Variants in KIRREL1 observed in about 807,000 individuals in gnomAD.
The protein encoded by KIRREL1 is kirre like nephrin family adhesion molecule 1.
KIRREL1 carries 25 observed loss-of-function variants against 83.3 expected under a neutral mutation model. That is an observed-to-expected ratio of 0.30 (90% CI 0.22 to 0.42). The LOEUF (loss-of-function observed/expected upper bound fraction) is 0.42, where lower values mean the gene tolerates loss of function less well. KIRREL1 is among the 10% of genes least tolerant of loss of function. The probability of loss-of-function intolerance (pLI) is 1.00; values close to 1 mark genes in which losing one functional copy is unlikely to be tolerated. For missense variants in KIRREL1, 812 were observed against 1,032.3 expected (o/e 0.79, Z 2.92); for synonymous variants, 388 against 410.4 (o/e 0.95, Z 0.66).
chr1:158,024,914 A>G (rs2101659026), intron 1 of KIRREL1, among the ~76,000 whole-genome samples: 1 of 152,298 alleles, frequency 6.6e-6, no homozygotes, highest in Middle Eastern at 3.4e-3. Context: ...TGAGGAAACC[A>G]GACCAAAAAA....
chr1:158,034,086 A>C (rs1660403590), intron 1 of KIRREL1, among the ~76,000 whole-genome samples: 1 of 152,070 alleles, frequency 6.6e-6, no homozygotes. Flanking sequence ...ATCTGGACTA[A>C]CACGGTGTAA....
intron 1 of KIRREL1, among the ~76,000 whole-genome samples, chr1:158,034,605 T>C (rs1177290042): frequency 6.6e-6 from 1 of 152,232 alleles, no homozygotes; most frequent in Non-Finnish European, 1.5e-5. Context: ...AAGAAAGATA[T>C]GAAACTGAGA....
chr1:158,090,877 A>G (rs759745725), intron 10 of KIRREL1, among the ~76,000 whole-genome samples: 2 of 152,196 alleles, frequency 1.3e-5, no homozygotes, highest in Non-Finnish European at 2.9e-5. Flanking sequence ...TGAAGAAAAT[A>G]AGGCCTAGAA....
At chr1:158,079,174 G>A (rs1304920384) in intron 3 of KIRREL1, among the ~76,000 whole-genome samples, 1 of 151,988 alleles carries the variant, frequency 6.6e-6, no homozygotes, top group Non-Finnish European at 1.5e-5. Flanking sequence ...CATTTGATAT[G>A]TTTTGCCCCT....
At chr1:158,077,877 C>A in intron 2 of KIRREL1, 114 bp from the exon 3 acceptor site, 1 of 1,243,114 alleles carries the variant, frequency 8.0e-7, no homozygotes, top group Non-Finnish European at 1.1e-6. Flanking sequence ...GGGGCCTCAC[C>A]TTCTCACCTG....
At chr1:158,084,796 A>G (rs1661971777) in intron 4 of KIRREL1, among the ~76,000 whole-genome samples, 1 of 152,252 alleles carries the variant, frequency 6.6e-6, no homozygotes, top group South Asian at 2.1e-4. Context: ...AGCTGAACAG[A>G]GACTAATAGT....
intron 1 of KIRREL1, among the ~76,000 whole-genome samples, chr1:158,020,523 G>A (rs1659975206): frequency 7.4e-6 from 1 of 135,896 alleles, no homozygotes; most frequent in South Asian, 2.4e-4. Context: ...TAGGGACTAT[G>A]ATTTGTTTAT....
chr1:158,065,519 G>A (rs999025211), intron 1 of KIRREL1, among the ~76,000 whole-genome samples: 4 of 152,128 alleles, frequency 2.6e-5, no homozygotes, highest in Admixed American at 2.0e-4. Flanking sequence ...AGAGATGAAG[G>A]AGTAATTGAC....
chr1:158,007,706 G>A (rs1262403421), intron 1 of KIRREL1, among the ~76,000 whole-genome samples: 1 of 151,958 alleles, frequency 6.6e-6, no homozygotes, highest in Non-Finnish European at 1.5e-5. Context: ...GGCAGCCTGG[G>A]TTTGCTTGAG....
intron 1 of KIRREL1, among the ~76,000 whole-genome samples, chr1:158,031,556 T>C (rs1287620116): frequency 6.6e-6 from 1 of 152,160 alleles, no homozygotes; most frequent in Non-Finnish European, 1.5e-5. Flanking sequence ...GAATAGTGTG[T>C]GTAATGCTCA....
At chr1:158,014,609 C>T (rs991785963) in intron 1 of KIRREL1, among the ~76,000 whole-genome samples, 1 of 149,144 alleles carries the variant, frequency 6.7e-6, no homozygotes, top group Admixed American at 6.7e-5. Flanking sequence ...CTGCTTACTC[C>T]GGTCCCAGTC....
rs372284229 is a variant in KIRREL1 at position 158,094,309 on chromosome 1, A to C, written c.1720-4A>C. On this transcript the variant is annotated splice_region_variant and splice_polypyrimidine_tract_variant and intron_variant, in intron 13 of 14. Transcript: ENST00000359209. The surrounding 1 kb of genome is among the most constrained non-coding windows in gnomAD (Gnocchi z 4.6). ...GCTGACGTCCCACTCCTGCTGCTCCACAGTCGTTTAAGGATGATGTGGATC... is the reference window on the plus strand; with the variant it reads ...GCTGACGTCCCACTCCTGCTGCTCCCCAGTCGTTTAAGGATGATGTGGATC... 122 of 1,601,892 alleles carry C rather than the reference A, an allele frequency of 7.6e-5. No homozygotes were observed. The African/African-American group carries it at 1.5e-3, about 20-fold the overall frequency.
chr1:158,002,130 C>A (rs769654704), intron 1 of KIRREL1, among the ~76,000 whole-genome samples: 6 of 152,100 alleles, frequency 3.9e-5, no homozygotes, highest in Non-Finnish European at 8.8e-5. Context: ...GTGACTTGAG[C>A]CAGAGAGACT....
rs1662063194 is a variant in KIRREL1, at chr1:158,087,878, T to G, written c.767+18T>G. On this transcript the variant is annotated intron_variant, in intron 6 of 14. Coordinates refer to ENST00000359209, the MANE Select transcript of KIRREL1 (RefSeq NM_018240.7). ...GGCTACAGGTGAGGGGGTCAGAGGC[T>G]GGGAGCGCTCTGGGGAGTGATAAGG... 6.2e-7 allele frequency: 1 copy of G among 1,610,750 alleles called. No homozygotes were observed. The highest frequency in any genetic ancestry group is 8.5e-7 in the Non-Finnish European group (1 of 1,177,376).
At chr1:158,071,475 G>T (rs1661514317) in intron 1 of KIRREL1, among the ~76,000 whole-genome samples, 1 of 152,218 alleles carries the variant, frequency 6.6e-6, no homozygotes, top group African/African-American at 2.4e-5. Flanking sequence ...TCTGAAGGCA[G>T]GGAGGGAGCA....
chr1:158,086,090 T>C, intron 4 of KIRREL1, among the ~76,000 whole-genome samples: 1 of 152,150 alleles, frequency 6.6e-6, no homozygotes, highest in East Asian at 1.9e-4. Flanking sequence ...GCCTTAATAA[T>C]AATATATTAG....
intron 1 of KIRREL1, among the ~76,000 whole-genome samples, chr1:158,039,420 C>A (rs1660565854): frequency 6.6e-6 from 1 of 152,170 alleles, no homozygotes; most frequent in South Asian, 2.1e-4. Context: ...TCATTCCCAC[C>A]ATTTGGCCAG....
At chr1:158,005,384 C>A (rs1019585856) in intron 1 of KIRREL1, among the ~76,000 whole-genome samples, 1 of 151,952 alleles carries the variant, frequency 6.6e-6, no homozygotes, top group Non-Finnish European at 1.5e-5. Flanking sequence ...TCCTTAGCCC[C>A]AAGATTGTCT....
At chr1:158,027,704 G>T (rs1660210530) in intron 1 of KIRREL1, among the ~76,000 whole-genome samples, 1 of 152,244 alleles carries the variant, frequency 6.6e-6, no homozygotes, top group African/African-American at 2.4e-5. Context: ...TCTCAGAAAT[G>T]AGGATAATAC....
Sources: allele counts gnomAD v4.1 joint callset (sites outside exome capture counted in the v4.1 genomes callset), GRCh38; gene constraint gnomAD v4.1.1; non-coding constraint Gnocchi (gnomAD v3.1); transcripts MANE v1.5; gene names NCBI Gene and HGNC (gene_info 2026-07-23, HGNC 2026-07-21).